The following CSMD1 variants were observed in gnomAD, a reference collection of about 807,000 sequenced individuals.
CSMD1 encodes the protein CUB and Sushi multiple domains 1.
A neutral mutation model predicts 417.5 loss-of-function variants in CSMD1; 213 were observed. The ratio of observed to expected loss-of-function variants is 0.51; its 90% CI spans 0.46 to 0.57. The LOEUF (loss-of-function observed/expected upper bound fraction) is 0.57, where lower values mean the gene tolerates loss of function less well. Ranked by LOEUF, CSMD1 falls within the 20% of genes least tolerant of loss-of-function variation. CSMD1 has a pLI of 0.00. For missense variants in CSMD1, 6,923 were observed against 4,529.7 expected (o/e 1.53, Z -15.17); for synonymous variants, 2,862 against 1,736.8 (o/e 1.65, Z -16.11).
intron 3 of CSMD1, among the ~76,000 whole-genome samples, chr8:4,150,343 C>G (rs1412511071): frequency 6.6e-6 from 1 of 152,158 alleles, no homozygotes; most frequent in South Asian, 2.1e-4. Context: ...TAACCCGTGC[C>G]ATTCTAACTC....
At chr8:4,760,906 A>G (rs2117094192) in intron 1 of CSMD1, among the ~76,000 whole-genome samples, 1 of 152,320 alleles carries the variant, frequency 6.6e-6, no homozygotes, top group African/African-American at 2.4e-5. Flanking sequence ...AGCAGAAGTT[A>G]TGGTAGCATA....
At chr8:3,159,242 T>A (rs544655147) in intron 38 of CSMD1, among the ~76,000 whole-genome samples, 28 of 152,360 alleles carry the variant, frequency 1.8e-4, no homozygotes, top group African/African-American at 5.5e-4. Context: ...TAGGTAATAT[T>A]CTGCTATTGA....
chr8:4,770,969 C>A (rs80032348), intron 1 of CSMD1, among the ~76,000 whole-genome samples: 1 of 152,178 alleles, frequency 6.6e-6, no homozygotes, highest in East Asian at 1.9e-4. Context: ...CTACATCACA[C>A]TAAAAAGCTT....
chr8:4,765,910 G>A (rs920026863), intron 1 of CSMD1, among the ~76,000 whole-genome samples: 5 of 152,186 alleles, frequency 3.3e-5, no homozygotes, highest in African/African-American at 7.2e-5. Context: ...ATCATTAAAT[G>A]CCAAAAGGGT....
chr8:4,550,290 G>A (rs536997282), intron 2 of CSMD1, among the ~76,000 whole-genome samples: 1 of 150,870 alleles, frequency 6.6e-6, no homozygotes, highest in Non-Finnish European at 1.5e-5. Context: ...TTGATCATGA[G>A]GAATACAACA....
At chr8:3,199,854 T>C (rs1282266860) in intron 32 of CSMD1, 45 bp from the exon 33 acceptor site, 6 of 1,181,230 alleles carry the variant, frequency 5.1e-6, no homozygotes, top group Non-Finnish European at 7.3e-6. Flanking sequence ...CACAGCACCG[T>C]GGGGGACGGT....
At chr8:3,995,966 A>G (rs934449342) in intron 5 of CSMD1, among the ~76,000 whole-genome samples, 3 of 152,176 alleles carry the variant, frequency 2.0e-5, no homozygotes, top group African/African-American at 7.2e-5. Flanking sequence ...CCAGGCACCA[A>G]GAAGACAGTG....
chr8:4,615,385 G>C (rs1174322703), intron 2 of CSMD1, among the ~76,000 whole-genome samples: 4 of 152,142 alleles, frequency 2.6e-5, no homozygotes, highest in African/African-American at 9.7e-5. Flanking sequence ...TTAACATATG[G>C]AGAAATTGTG....
intron 55 of CSMD1, among the ~76,000 whole-genome samples, chr8:2,974,937 C>G (rs1804795042): frequency 6.6e-6 from 1 of 152,184 alleles, no homozygotes; most frequent in Admixed American, 6.5e-5. Flanking sequence ...CGACCCTTAA[C>G]TATATTCCAA....
chr8:3,790,912 C>T (rs950528312), intron 5 of CSMD1, among the ~76,000 whole-genome samples: 1 of 152,112 alleles, frequency 6.6e-6, no homozygotes, highest in Non-Finnish European at 1.5e-5. Flanking sequence ...TCAAAACTGT[C>T]AGGTCCTAAG....
chr8:3,188,201 G>A (rs767497906), intron 35 of CSMD1, among the ~76,000 whole-genome samples: 14 of 130,954 alleles, frequency 1.1e-4, no homozygotes, highest in African/African-American at 3.1e-4. Flanking sequence ...CCTTAATCAT[G>A]AAAATCATCT....
intron 25 of CSMD1, among the ~76,000 whole-genome samples, chr8:3,306,833 TAAAAATATTACA>T (rs759264836): frequency 0.14 from 5,589 of 38,634 alleles, 233 homozygotes; most frequent in Admixed American, 0.25. Flanking sequence ...GAGCTTACTT[TAAAAATATTACA>T]GAGCTTACTT....
In CSMD1 at chr8:3,611,842, A is replaced by C. The variant is rs192331046; in HGVS notation, c.1097+4868T>G. Reference sequence around the variant, plus strand: ...CAAAATCATGCATATACAAAAAATTAATTTAGGACAGAAGTTCAGCCAATA... The same window carrying C: ...CAAAATCATGCATATACAAAAAATTCATTTAGGACAGAAGTTCAGCCAATA... On this transcript the variant is annotated intron_variant, in intron 8 of 69. Coordinates refer to ENST00000635120, the MANE Select transcript of CSMD1 (RefSeq NM_033225.6). Among the ~76,000 whole-genome samples, 52 of 152,240 alleles carry C rather than the reference A, an allele frequency of 3.4e-4. 1 individual carries two copies. The East Asian group carries it at 8.7e-3, about 25-fold the overall frequency.
At chr8:4,968,416 C>T (rs114314207) in intron 1 of CSMD1, among the ~76,000 whole-genome samples, 12 of 152,172 alleles carry the variant, frequency 7.9e-5, no homozygotes, top group African/African-American at 2.9e-4. Context: ...AAATAACACC[C>T]AAGCCCCTGG....
chr8:3,237,624 AT>A (rs1463766770), intron 26 of CSMD1, among the ~76,000 whole-genome samples: 1 of 140,886 alleles, frequency 7.1e-6, no homozygotes, highest in Non-Finnish European at 1.5e-5. Flanking sequence ...CTATAAATAT[AT>A]TTTTTATACT....
intron 12 of CSMD1, among the ~76,000 whole-genome samples, chr8:3,426,384 T>G (rs1220513671): frequency 6.6e-6 from 1 of 152,218 alleles, no homozygotes; most frequent in Admixed American, 6.5e-5. Context: ...ACTCCCCTTT[T>G]GGATCTAATT....
intron 1 of CSMD1, among the ~76,000 whole-genome samples, chr8:4,866,623 C>T (rs546723469): frequency 6.6e-6 from 1 of 151,960 alleles, no homozygotes; most frequent in African/African-American, 2.4e-5. Flanking sequence ...GAGTCATAAC[C>T]TCAAATGAGA....
chr8:3,304,833 A>C (rs553927198), intron 25 of CSMD1, among the ~76,000 whole-genome samples: 121 of 152,250 alleles, frequency 7.9e-4, no homozygotes, highest in Non-Finnish European at 1.3e-3. Context: ...TGCTCACTCT[A>C]ATTAATTCCA....
At chr8:4,166,689 A>T (rs1797477121) in intron 3 of CSMD1, among the ~76,000 whole-genome samples, 1 of 152,170 alleles carries the variant, frequency 6.6e-6, no homozygotes, top group Admixed American at 6.5e-5. Flanking sequence ...ACCAAAATCA[A>T]GAAAATCAGC....
Sources: allele counts gnomAD v4.1 joint callset (sites outside exome capture counted in the v4.1 genomes callset), GRCh38; gene constraint gnomAD v4.1.1; transcripts MANE v1.5; gene names NCBI Gene and HGNC (gene_info 2026-07-23, HGNC 2026-07-21).